CHD6: variants seen among roughly 807,000 people sequenced by gnomAD.
CHD6 encodes ATP-dependent chromatin remodeler CHD6.
In CHD6, 50 loss-of-function variants were observed where a neutral mutation model predicts 276.9. The ratio of observed to expected loss-of-function variants is 0.18; its 90% CI spans 0.14 to 0.23. CHD6 has a LOEUF of 0.23. CHD6 is among the 10% of genes least tolerant of loss of function. CHD6 has a pLI of 1.00. For synonymous variants in CHD6, 1,173 were observed against 1,229.3 expected, an observed-to-expected ratio of 0.95 and a Z score of 0.96; for missense variants, 2,564 against 3,365.8, an observed-to-expected ratio of 0.76 and a Z score of 5.89.
rs61756302 is a variant in CHD6, at chr20:41,451,997, G to A, written c.3352C>T (p.His1118Tyr). Residue 1118 changes from histidine (H) to tyrosine (Y), a missense_variant, in exon 22 of 37, where the codon CAT becomes TAT. By Grantham distance (83) the His-to-Tyr change is moderately conservative (BLOSUM62 2). Coordinates refer to ENST00000373233, the MANE Select transcript of CHD6 (RefSeq NM_032221.5). ...GWGRWKDILTHGRFKWHLNEK... is the reference protein window; with the variant it reads ...GWGRWKDILTYGRFKWHLNEK... Reference sequence around the variant, plus strand: ...TTCAGATGCCACTTGAATCGGCCATGAGTCAGGATGTCCTTCCACCGGCCC... The same window carrying A: ...TTCAGATGCCACTTGAATCGGCCATAAGTCAGGATGTCCTTCCACCGGCCC... 1 of 1,614,070 alleles carries A rather than the reference G, an allele frequency of 6.2e-7. No homozygotes were observed. The highest frequency in any genetic ancestry group is 8.5e-7 in the Non-Finnish European group (1 of 1,179,996).
At chr20:41,502,944 T>G (rs769393455) in intron 5 of CHD6, among the ~76,000 whole-genome samples, 1 of 152,200 alleles carries the variant, frequency 6.6e-6, no homozygotes, top group African/African-American at 2.4e-5. Context: ...AGGTGGAGGT[T>G]GCAGTGAGCG....
At chr20:41,494,004 T>C (rs2043618139) in intron 8 of CHD6, 60 bp from the exon 9 acceptor site, 1 of 1,209,044 alleles carries the variant, frequency 8.3e-7, no homozygotes, top group Admixed American at 1.7e-5. Context: ...ATCCAACACC[T>C]AGGGTGTTAT....
intron 23 of CHD6, among the ~76,000 whole-genome samples, chr20:41,450,625 C>G (rs937565160): frequency 6.6e-6 from 1 of 152,208 alleles, no homozygotes; most frequent in African/African-American, 2.4e-5. Flanking sequence ...CCACAATGTT[C>G]TGCCCTTGTT....
rs562907292 is a variant in CHD6, at chr20:41,572,542, T to G, written c.-23-21182A>C. On this transcript the variant is annotated intron_variant, in intron 1 of 36. Coordinates refer to ENST00000373233, the MANE Select transcript of CHD6 (RefSeq NM_032221.5). Reference sequence around the variant, plus strand: ...ATGCCATGTACCACTTCCCTCTGCATGCCCAGCTACCAGGCCTGGCTCATC... The same window carrying G: ...ATGCCATGTACCACTTCCCTCTGCAGGCCCAGCTACCAGGCCTGGCTCATC... Among the ~76,000 whole-genome samples the G allele has an allele frequency of 3.5e-3, 539 of 152,308 alleles. 5 individuals are homozygous for G. Among genetic ancestry groups the G allele is most frequent in the Non-Finnish European group, 4.7e-3 (322 of 68,016 alleles).
chr20:41,567,876 G>A (rs1055073927), intron 1 of CHD6, among the ~76,000 whole-genome samples: 15 of 152,134 alleles, frequency 9.9e-5, no homozygotes, highest in African/African-American at 3.1e-4. Context: ...GCTATGAGGC[G>A]GGCTTGCAGG....
intron 2 of CHD6, among the ~76,000 whole-genome samples, chr20:41,539,786 A>T (rs2044905716): frequency 6.6e-6 from 1 of 152,234 alleles, no homozygotes; most frequent in Non-Finnish European, 1.5e-5. Flanking sequence ...TAGAGAAAAA[A>T]GCTATAATAA....
intron 3 of CHD6, among the ~76,000 whole-genome samples, chr20:41,516,276 C>G (rs2044249180): frequency 6.6e-6 from 1 of 152,074 alleles, no homozygotes; most frequent in South Asian, 2.1e-4. Context: ...TCTCCTGCCT[C>G]AGTCTCCCCT....
intron 1 of CHD6, among the ~76,000 whole-genome samples, chr20:41,558,323 G>GCTGA (rs1353214617): frequency 4.6e-5 from 7 of 152,168 alleles, no homozygotes; most frequent in Non-Finnish European, 1.0e-4. Context: ...CCTGTAAAAT[G>GCTGA]CTGACAACAT....
intron 2 of CHD6, among the ~76,000 whole-genome samples, chr20:41,543,979 C>T (rs2044993384): frequency 6.6e-6 from 1 of 152,152 alleles, no homozygotes; most frequent in Admixed American, 6.6e-5. Flanking sequence ...GTGGCTCATT[C>T]CTGTAATCCT....
intron 1 of CHD6, among the ~76,000 whole-genome samples, chr20:41,578,924 G>A (rs372908981): frequency 2.6e-5 from 4 of 151,536 alleles, no homozygotes; most frequent in African/African-American, 9.7e-5. Context: ...GAGGTCAGGA[G>A]TTCGAGACCA....
rs1306990992 is a variant in CHD6 at position 41,403,857 on chromosome 20, C to A, written c.*736G>T. The stretch of plus-strand genomic sequence containing the variant: ...CCCACCCCCGTCGACAGCAATAACT[C>A]ATGGTGGGTAAAGCTTTCTCGCAGC... On this transcript the variant is annotated 3_prime_UTR_variant, in exon 37 of 37. Coordinates refer to ENST00000373233, the MANE Select transcript of CHD6 (RefSeq NM_032221.5). The A allele has an allele frequency of 2.9e-5, 31 of 1,057,364 alleles. No individual in the cohort carries two copies. Among genetic ancestry groups the A allele is most frequent in the Non-Finnish European group, 3.3e-5 (29 of 874,386 alleles). The allele number at this position is 1,057,364 out of a possible 1,614,324, so 65.5% of individuals were successfully genotyped here. A position where few individuals can be genotyped will look rare whatever the true frequency, so the allele number is the denominator to read the frequency against.
intron 13 of CHD6, 58 bp downstream of exon 13, chr20:41,488,370 T>G: frequency 6.9e-7 from 1 of 1,450,892 alleles, no homozygotes; most frequent in Non-Finnish European, 9.3e-7. Flanking sequence ...CTAAAGAGTG[T>G]TTCCTCCAAG....
At chr20:41,606,814 T>C (rs1404939091) in intron 1 of CHD6, among the ~76,000 whole-genome samples, 1 of 152,050 alleles carries the variant, frequency 6.6e-6, no homozygotes, top group Non-Finnish European at 1.5e-5. Context: ...AAAAATCCAA[T>C]ATCTGGGCCT....
intron 1 of CHD6, among the ~76,000 whole-genome samples, chr20:41,571,535 G>A (rs1457419270): frequency 1.3e-5 from 2 of 151,802 alleles, no homozygotes; most frequent in Non-Finnish European, 2.9e-5. Context: ...GGGACTACAG[G>A]TGCCGCCAAC....
intron 36 of CHD6, among the ~76,000 whole-genome samples, chr20:41,408,464 C>A (rs889139917): frequency 6.6e-6 from 1 of 152,162 alleles, no homozygotes; most frequent in Non-Finnish European, 1.5e-5. Flanking sequence ...CTTGATGGGT[C>A]GGGGCCAGGC....
chr20:41,468,773 G>A (rs747136822), intron 17 of CHD6, among the ~76,000 whole-genome samples: 44 of 152,154 alleles, frequency 2.9e-4, no homozygotes, highest in Middle Eastern at 3.4e-3. Flanking sequence ...TCAGCACTTC[G>A]GGAGGCTGAG....
At chr20:41,565,221 G>A (rs915455915) in intron 1 of CHD6, among the ~76,000 whole-genome samples, 2 of 151,328 alleles carry the variant, frequency 1.3e-5, no homozygotes, top group African/African-American at 4.9e-5. Context: ...TCAGCCTCCC[G>A]AGTAGCTGGG....
intron 2 of CHD6, among the ~76,000 whole-genome samples, chr20:41,539,320 T>C (rs959898816): frequency 2.0e-5 from 3 of 152,258 alleles, no homozygotes; most frequent in African/African-American, 7.2e-5. Flanking sequence ...GTATCTCACC[T>C]GACTGACACA....
intron 1 of CHD6, among the ~76,000 whole-genome samples, chr20:41,572,260 G>A (rs371970562): frequency 2.0e-5 from 3 of 152,152 alleles, no homozygotes; most frequent in African/African-American, 4.8e-5. Context: ...GTTCAAAAGC[G>A]CTGTGCTTTT....
Sources: allele counts gnomAD v4.1 joint callset (sites outside exome capture counted in the v4.1 genomes callset), GRCh38; gene constraint gnomAD v4.1.1; transcripts MANE v1.5; gene names NCBI Gene and HGNC (gene_info 2026-07-23, HGNC 2026-07-21).